The following ATXN7L1 variants were observed in gnomAD, a reference collection of about 807,000 sequenced individuals.
ATXN7L1 encodes ataxin-7-like protein 1.
Under a neutral mutation model 70.8 loss-of-function variants are expected in ATXN7L1, and 15 were observed. The observed-to-expected ratio is 0.21, with a 90% CI of 0.14 to 0.33. ATXN7L1 has a LOEUF of 0.33. ATXN7L1 is among the 10% of genes least tolerant of loss of function. The pLI, the probability that ATXN7L1 is intolerant of heterozygous loss-of-function variation, is 1.00. For missense variants in ATXN7L1, 975 were observed against 1,097.1 expected (o/e 0.89, Z 1.57); for synonymous variants, 440 against 445.1 (o/e 0.99, Z 0.14).
intron 7 of ATXN7L1, among the ~76,000 whole-genome samples, chr7:105,631,297 C>G (rs1055845425): frequency 6.6e-6 from 1 of 152,184 alleles, no homozygotes; most frequent in East Asian, 1.9e-4. Context: ...CTCCAAGAAG[C>G]TGGCCACCTC....
In ATXN7L1 at chr7:105,620,950, T is replaced by C. The variant is rs371331878; in HGVS notation, c.1396-629A>G. On this transcript the variant is annotated intron_variant, in intron 8 of 11. Coordinates refer to ENST00000419735, the MANE Select transcript of ATXN7L1 (RefSeq NM_020725.2). ...CACCCAGGGTGACTTTTCAGGACCA[T>C]CTGTTTGTCCTATTATCAGCCACAT... Among the ~76,000 whole-genome samples, 10 of 151,390 alleles carry C rather than the reference T, an allele frequency of 6.6e-5. No individual in the cohort carries two copies. In the South Asian group the frequency reaches 1.3e-3, roughly 19 times the overall value.
intron 3 of ATXN7L1, among the ~76,000 whole-genome samples, chr7:105,682,676 A>G (rs1357491798): frequency 6.6e-6 from 1 of 152,260 alleles, no homozygotes; most frequent in East Asian, 1.9e-4. Context: ...AAGAAGCCAG[A>G]CACAAAAGGT....
At chr7:105,712,039 CTGAGGTTTGGGGCTTGCACCCTT>C (rs988892283) in intron 3 of ATXN7L1, among the ~76,000 whole-genome samples, 4 of 152,248 alleles carry the variant, frequency 2.6e-5, no homozygotes, top group African/African-American at 7.2e-5. Context: ...GTGGAAGCTG[CTGAGGTTTGGGGCTTGCACCCTT>C]TGAGGTTTGG....
chr7:105,831,070 T>C (rs556355511), intron 2 of ATXN7L1, among the ~76,000 whole-genome samples: 1 of 152,324 alleles, frequency 6.6e-6, no homozygotes, highest in Admixed American at 6.5e-5. Flanking sequence ...GTGTAAAGTT[T>C]GGATAAAGAA....
At chr7:105,645,625 T>C (rs566075631) in intron 4 of ATXN7L1, among the ~76,000 whole-genome samples, 47 of 143,918 alleles carry the variant, frequency 3.3e-4, no homozygotes, top group South Asian at 2.2e-3. Flanking sequence ...TGAAACCCTG[T>C]CTCTGCTAAA....
intron 2 of ATXN7L1, among the ~76,000 whole-genome samples, chr7:105,843,956 A>G (rs907053763): frequency 8.5e-5 from 13 of 152,336 alleles, no homozygotes; most frequent in Admixed American, 2.0e-4. Context: ...ATCAGATGTC[A>G]ACTGAAGCTA....
intron 3 of ATXN7L1, among the ~76,000 whole-genome samples, chr7:105,697,965 C>T (rs776552974): frequency 2.6e-5 from 4 of 152,152 alleles, no homozygotes; most frequent in South Asian, 2.1e-4. Flanking sequence ...TGGGCAGGGA[C>T]GAGCACTGTC....
intron 3 of ATXN7L1, among the ~76,000 whole-genome samples, chr7:105,728,450 G>A (rs1251829212): frequency 1.3e-5 from 2 of 152,160 alleles, no homozygotes; most frequent in Non-Finnish European, 2.9e-5. Context: ...GGACTAGAAT[G>A]ATCCATATGG....
chr7:105,790,989 A>C (rs1192331408), intron 2 of ATXN7L1, among the ~76,000 whole-genome samples: 2 of 152,198 alleles, frequency 1.3e-5, no homozygotes, highest in Non-Finnish European at 2.9e-5. Flanking sequence ...AGGCCAGAAG[A>C]GGGGAAGGTT....
intron 2 of ATXN7L1, among the ~76,000 whole-genome samples, chr7:105,803,850 G>A (rs1807178261): frequency 6.6e-6 from 1 of 152,212 alleles, no homozygotes; most frequent in African/African-American, 2.4e-5. Context: ...GAAGGCTCAG[G>A]GGTGAGAATC....
At chr7:105,678,285 C>T (rs993906284) in intron 3 of ATXN7L1, among the ~76,000 whole-genome samples, 3 of 152,124 alleles carry the variant, frequency 2.0e-5, no homozygotes, top group South Asian at 2.1e-4. Context: ...ACCAGTCACT[C>T]GCTTGTGGCA....
intron 4 of ATXN7L1, among the ~76,000 whole-genome samples, chr7:105,655,638 T>G (rs754167540): frequency 6.6e-6 from 1 of 152,174 alleles, no homozygotes; most frequent in Non-Finnish European, 1.5e-5. Flanking sequence ...TCCTGAGCCT[T>G]GGTCTTGCCC....
intron 3 of ATXN7L1, among the ~76,000 whole-genome samples, chr7:105,721,989 T>A (rs1015294682): frequency 2.0e-5 from 3 of 152,138 alleles, no homozygotes; most frequent in African/African-American, 4.8e-5. Flanking sequence ...TTAAGAGGGG[T>A]GTGTGTGAGT....
chr7:105,662,465 G>A (rs906610847), intron 4 of ATXN7L1, among the ~76,000 whole-genome samples: 2 of 152,190 alleles, frequency 1.3e-5, no homozygotes, highest in African/African-American at 4.8e-5. Context: ...GTCTTAAGAA[G>A]TGTGTGTTGA....
chr7:105,825,686 T>C (rs148651700), intron 2 of ATXN7L1, among the ~76,000 whole-genome samples: 6 of 152,136 alleles, frequency 3.9e-5, no homozygotes, highest in Admixed American at 2.0e-4. Context: ...TGCCTCTCAC[T>C]ATCCAAACAC....
chr7:105,853,221 A>T (rs1290972109), intron 2 of ATXN7L1, among the ~76,000 whole-genome samples: 1 of 152,364 alleles, frequency 6.6e-6, no homozygotes, highest in East Asian at 1.9e-4. Context: ...TAAAGTATTA[A>T]AATTTTAAGT....
At chr7:105,795,272 A>G (rs1056096869) in intron 2 of ATXN7L1, among the ~76,000 whole-genome samples, 6 of 152,390 alleles carry the variant, frequency 3.9e-5, no homozygotes, top group African/African-American at 1.2e-4. Flanking sequence ...AGAAACTGGC[A>G]GCATGGGAGC....
intron 3 of ATXN7L1, among the ~76,000 whole-genome samples, chr7:105,766,115 G>T (rs1801217598): frequency 6.6e-6 from 1 of 151,190 alleles, no homozygotes; most frequent in African/African-American, 2.4e-5. Context: ...CGCCACACAG[G>T]CTTATCCTTC....
chr7:105,796,150 G>A (rs924489876), intron 2 of ATXN7L1, among the ~76,000 whole-genome samples: 5 of 152,120 alleles, frequency 3.3e-5, no homozygotes, highest in Admixed American at 2.6e-4. Context: ...AGATCATGAG[G>A]TCAAGAAATT....
Sources: gnomAD v4.1 joint callset for allele counts (sites outside exome capture counted in the v4.1 genomes callset) on GRCh38, gnomAD v4.1.1 for gene constraint, MANE v1.5 for transcripts, NCBI Gene and HGNC (gene_info 2026-07-23, HGNC 2026-07-21) for gene names.